Variants in CD53 observed in about 807,000 individuals in gnomAD.
CD53 encodes leukocyte surface antigen CD53.
Under a neutral mutation model 27.3 loss-of-function variants are expected in CD53, and 20 were observed. That is an observed-to-expected ratio of 0.73 (90% CI 0.52 to 1.07). The LOEUF is 1.07. Among genes scored for constraint, CD53 ranks in the 50% least tolerant of loss-of-function variants. CD53 has a pLI of 0.00. For missense variants in CD53, 216 were observed against 264.0 expected (o/e 0.82, Z 1.26); for synonymous variants, 106 against 105.3 (o/e 1.01, Z -0.04).
intron 1 of CD53, among the ~76,000 whole-genome samples, chr1:110,876,389 C>T (rs973016472): frequency 6.6e-6 from 1 of 152,108 alleles, no homozygotes; most frequent in East Asian, 1.9e-4. Context: ...TTAACATAAG[C>T]AAACATAAAA....
intron 1 of CD53, chr1:110,880,190 G>C (rs368240702): frequency 1.3e-5 from 2 of 152,144 alleles, no homozygotes; most frequent in East Asian, 3.9e-4. Flanking sequence ...TGTGGGAGGG[G>C]TGTCGGTTCC....
chr1:110,887,058 G>GTTTATTTTATTTTATTTTATTTTAT lies in CD53; in HGVS notation c.-17-4311_-17-4310insATTTTATTTTATTTTATTTTATTTT, dbSNP rs71096370. 8.5e-3 allele frequency among the ~76,000 whole-genome samples: 1,253 copies of GTTTATTTTATTTTATTTTATTTTAT among 146,750 alleles called. 11 individuals carry two copies. Among genetic ancestry groups the GTTTATTTTATTTTATTTTATTTTAT allele is most frequent in the African/African-American group, 0.013 (519 of 40,092 alleles). The stretch of plus-strand genomic sequence containing the variant: ...TTATACTTTCCATGTCTCTATTTAT[G>GTTTATTTTATTTTATTTTATTTTAT]TTTATTTTATTTTATTTTATTTTGA... On this transcript the variant is annotated intron_variant, in intron 1 of 7. Transcript: ENST00000271324.
chr1:110,881,115 G>A (rs1486910243), intron 1 of CD53, among the ~76,000 whole-genome samples: 2 of 152,086 alleles, frequency 1.3e-5, no homozygotes, highest in South Asian at 2.1e-4. Flanking sequence ...ATTAGGAGGG[G>A]CCTTTGACGT....
chr1:110,885,806 G>A (rs1056050444), intron 1 of CD53, among the ~76,000 whole-genome samples: 1 of 151,948 alleles, frequency 6.6e-6, no homozygotes, highest in Non-Finnish European at 1.5e-5. Flanking sequence ...GGAGGTTGCA[G>A]TGAGCCGAGA....
intron 1 of CD53, among the ~76,000 whole-genome samples, chr1:110,882,902 A>T (rs1656413915): frequency 2.0e-5 from 3 of 151,998 alleles, no homozygotes; most frequent in African/African-American, 7.2e-5. Context: ...TTGTGGATTG[A>T]ATCTTGTTTC....
intron 1 of CD53, 61 bp from the exon 2 acceptor site, chr1:110,891,331 C>A: frequency 8.7e-7 from 1 of 1,152,224 alleles, no homozygotes; most frequent in Non-Finnish European, 1.3e-6. Context: ...CATTTGTGCA[C>A]TCTGATCTCT....
intron 1 of CD53, among the ~76,000 whole-genome samples, chr1:110,873,810 G>C (rs891645898): frequency 6.6e-6 from 1 of 152,186 alleles, no homozygotes; most frequent in African/African-American, 2.4e-5. Flanking sequence ...ATTTTAAAAG[G>C]TGAAAGCTAG....
intron 1 of CD53, among the ~76,000 whole-genome samples, chr1:110,887,354 G>A (rs1036541277): frequency 1.3e-5 from 2 of 152,116 alleles, no homozygotes; most frequent in Non-Finnish European, 1.5e-5. Context: ...GTGAGCCACC[G>A]CGCCCAGCCT....
At chr1:110,895,332 A>G (rs1163962979) in intron 5 of CD53, among the ~76,000 whole-genome samples, 1 of 152,196 alleles carries the variant, frequency 6.6e-6, no homozygotes, top group East Asian at 1.9e-4. Context: ...AGCAAACTGG[A>G]TTAGTTTATG....
chr1:110,880,379 G>A (rs989745995), intron 1 of CD53: 1 of 152,154 alleles, frequency 6.6e-6, no homozygotes. Context: ...TGGAGAGGTA[G>A]AAAGTGGGAG....
chr1:110,896,844 T>G (rs1657084910), intron 6 of CD53, 111 bp downstream of exon 6: 1 of 919,238 alleles, frequency 1.1e-6, no homozygotes. Flanking sequence ...ACAGGGGACC[T>G]TGAATAAAAG....
intron 1 of CD53, among the ~76,000 whole-genome samples, chr1:110,874,836 T>C (rs1181671100): frequency 1.2e-4 from 19 of 152,216 alleles, no homozygotes. Context: ...TTTTGTGCCC[T>C]CTGATTGACC....
At chr1:110,873,274 G>A (rs1183262859) in intron 1 of CD53, 26 bp downstream of exon 1, 1 of 152,584 alleles carries the variant, frequency 6.6e-6, no homozygotes, top group East Asian at 1.9e-4. Context: ...TTTTAACTTG[G>A]CTTGCTGTCT....
At position 110,896,664 on chromosome 1, in the gene CD53, T is replaced by C. The variant is rs775062098; in HGVS notation, c.435T>C (p.Cys145=). The C allele has an allele frequency of 2.5e-6, 4 of 1,613,116 alleles. No individual in the cohort carries two copies. Among genetic ancestry groups the C allele is most frequent in the Admixed American group, 1.7e-5 (1 of 59,704 alleles). Residue 145 remains cysteine (C), a synonymous_variant, in exon 6 of 8, where the codon TGT becomes TGC. Transcript: ENST00000271324. ...WDSIQSFLQC[C]GINGTSDWTS... The stretch of plus-strand genomic sequence containing the variant: ...GGTTTGGCTTTTAGCTGCAGTGTTG[T>C]GGTATAAATGGCACGAGTGATTGGA...
At position 110,894,401 on chromosome 1, in the gene CD53, G is replaced by C; in HGVS notation, c.327G>C (p.Lys109Asn). ...LAILLFVYEQ[K>N]LNEYVAKGLT... ...TCCTGCTCTTTGTATATGAACAGAA[G>C]GTAAGTTATAAAGACAACAACTTAT... The change falls in exon 4 of 8, where the codon AAG becomes AAC. Residue 109 changes from lysine to asparagine, a missense_variant and splice_region_variant. Transcript: ENST00000271324. The C allele has an allele frequency of 1.2e-6, 2 of 1,611,568 alleles. No homozygotes were observed. Among genetic ancestry groups the C allele is most frequent in the Non-Finnish European group, 1.7e-6 (2 of 1,177,708 alleles).
intron 3 of CD53, chr1:110,892,966 G>T: frequency 5.6e-6 from 1 of 179,252 alleles, no homozygotes; most frequent in Non-Finnish European, 1.2e-5. Context: ...GCCAAAGGAT[G>T]CTTCCTTAAC....
chr1:110,885,640 AT>A (rs1656555781), intron 1 of CD53, among the ~76,000 whole-genome samples: 1 of 152,154 alleles, frequency 6.6e-6, no homozygotes, highest in Non-Finnish European at 1.5e-5. Flanking sequence ...AGACAGGCAG[AT>A]CACCTGAGGT....
intron 3 of CD53, 112 bp downstream of exon 3, chr1:110,892,645 G>A: frequency 7.7e-6 from 7 of 906,786 alleles, no homozygotes; most frequent in Non-Finnish European, 8.7e-6. Context: ...ATAGGAAAAT[G>A]AGATTGGTAC....
rs776237398 is a variant in CD53 at position 110,891,415 on chromosome 1, A to C, written c.7A>C (p.Met3Leu). The change falls in exon 2 of 8, where the codon ATG (methionine) becomes CTG (leucine). Residue 3 changes from methionine (M) to leucine (L), a missense_variant. Transcript: ENST00000271324. The part of the protein sequence containing the change: MG[M>L]SSLKLLKYVL... ...AGGGCAAGAATATCACGGCATGGGC[A>C]TGAGTAGCTTGAAACTGCTGAAGTA... 7.4e-6 allele frequency: 12 copies of C among 1,613,150 alleles called. No individual in the cohort carries two copies. In the East Asian group the frequency reaches 8.9e-5, roughly 12 times the overall value.
Sources: gnomAD v4.1 joint callset for allele counts (sites outside exome capture counted in the v4.1 genomes callset) on GRCh38, gnomAD v4.1.1 for gene constraint, MANE v1.5 for transcripts, NCBI Gene and HGNC (gene_info 2026-07-23, HGNC 2026-07-21) for gene names.